The following CNTN5 variants were observed in gnomAD, a reference collection of about 807,000 sequenced individuals.
The protein encoded by CNTN5 is contactin 5.
In CNTN5, 77 loss-of-function variants were observed where a neutral mutation model predicts 129.1. The observed-to-expected ratio is 0.60, with a 90% CI of 0.50 to 0.72. The LOEUF (loss-of-function observed/expected upper bound fraction) is 0.72. Ranked by LOEUF, CNTN5 falls within the 30% of genes least tolerant of loss-of-function variation. CNTN5 has a pLI of 0.00. For missense variants in CNTN5, 1,478 were observed against 1,328.8 expected, an observed-to-expected ratio of 1.11 and a Z score of -1.75; for synonymous variants, 509 against 465.6, an observed-to-expected ratio of 1.09 and a Z score of -1.20.
At position 99,415,363 on chromosome 11, in the gene CNTN5, A is replaced by T. The variant is rs202235203; in HGVS notation, c.-71+89879A>T. ...TAGTAGTCTAATAGTGTGAGGAAGA[A>T]AACCCAGCAAGGCTTGTCTGTTCAG... On this transcript the variant is annotated intron_variant, in intron 2 of 24. Coordinates refer to ENST00000524871, the MANE Select transcript of CNTN5 (RefSeq NM_014361.4). Among the ~76,000 whole-genome samples, 19 of 152,272 alleles carry T rather than the reference A, an allele frequency of 1.2e-4. No individual in the cohort carries two copies. The East Asian group carries it at 3.3e-3, about 26-fold the overall frequency.
Position 100,071,930 on chromosome 11 carries a change from A to G in CNTN5, c.1429+96A>G. The G allele has an allele frequency of 4.4e-6, 5 of 1,132,446 alleles. No homozygotes were observed. In the South Asian group the frequency reaches 9.3e-5, roughly 21 times the overall value. The allele number at this position is 1,132,446 out of a possible 1,614,324, so 70.1% of individuals were successfully genotyped here. On this transcript the variant is annotated intron_variant, in intron 12 of 24. Transcript: ENST00000524871. ...ACTGAAGGTTTATGATGTGGTTGTA[A>G]AAATCTATTTTATGGCTTGAAAAGA...
chr11:100,340,027 GT>G (rs1392455704), intron 21 of CNTN5, among the ~76,000 whole-genome samples: 6 of 152,130 alleles, frequency 3.9e-5, no homozygotes, highest in Non-Finnish European at 8.8e-5. Flanking sequence ...TACAGCTCGT[GT>G]GATTCATCTT....
At chr11:99,597,376 T>A (rs373694845) in intron 3 of CNTN5, among the ~76,000 whole-genome samples, 6 of 152,134 alleles carry the variant, frequency 3.9e-5, no homozygotes, top group African/African-American at 1.2e-4. Flanking sequence ...TCTAGTAGAA[T>A]AGAGGTAGGA....
chr11:99,354,586 C>T (rs940039113), intron 2 of CNTN5, among the ~76,000 whole-genome samples: 7 of 152,126 alleles, frequency 4.6e-5, no homozygotes, highest in African/African-American at 1.4e-4. Context: ...CCCTCTTTTT[C>T]TCATACCCCG....
chr11:99,310,108 C>T (rs1398285299), intron 1 of CNTN5, among the ~76,000 whole-genome samples: 1 of 152,122 alleles, frequency 6.6e-6, no homozygotes, highest in African/African-American at 2.4e-5. Flanking sequence ...CAAAATTATA[C>T]AATTCAAATA....
intron 6 of CNTN5, among the ~76,000 whole-genome samples, chr11:99,890,251 A>G (rs1949021928): frequency 6.6e-6 from 1 of 152,210 alleles, no homozygotes; most frequent in Admixed American, 6.5e-5. Context: ...AGAGCTCACA[A>G]TGGCAGAAGC....
intron 13 of CNTN5, among the ~76,000 whole-genome samples, chr11:100,107,422 C>G (rs947302196): frequency 1.3e-5 from 2 of 150,698 alleles, no homozygotes; most frequent in African/African-American, 4.9e-5. Context: ...ACAATTCTGG[C>G]AAATCCCAGA....
chr11:100,247,095 T>C (rs1949855647), intron 16 of CNTN5, among the ~76,000 whole-genome samples: 1 of 152,206 alleles, frequency 6.6e-6, no homozygotes. Flanking sequence ...ACAGGAATTT[T>C]ACTTAGGCAA....
At chr11:100,057,050 C>T (rs554350835) in intron 9 of CNTN5, among the ~76,000 whole-genome samples, 1 of 151,366 alleles carries the variant, frequency 6.6e-6, no homozygotes, top group Non-Finnish European at 1.5e-5. Flanking sequence ...GTGTATATCA[C>T]TCTGTGTATC....
intron 1 of CNTN5, among the ~76,000 whole-genome samples, chr11:99,315,391 A>G (rs937077279): frequency 6.7e-6 from 1 of 149,526 alleles, no homozygotes; most frequent in African/African-American, 2.4e-5. Flanking sequence ...GCAAGATGGA[A>G]TTAGAGAAAG....
chr11:100,000,295 A>C (rs1939775957), intron 8 of CNTN5, among the ~76,000 whole-genome samples: 1 of 152,206 alleles, frequency 6.6e-6, no homozygotes, highest in African/African-American at 2.4e-5. Flanking sequence ...CATTGGGTAA[A>C]TGTTCCCATT....
chr11:99,403,654 C>T (rs4753953), intron 2 of CNTN5, among the ~76,000 whole-genome samples: 113,351 of 152,068 alleles, frequency 0.75, 43,103 homozygotes, highest in African/African-American at 0.9. Flanking sequence ...TCCATATAGT[C>T]CTATAGTTTT....
At position 99,026,479 on chromosome 11, in the gene CNTN5, A is replaced by T. The variant is rs78335619; in HGVS notation, c.-210+5209A>T. Among the ~76,000 whole-genome samples the T allele has an allele frequency of 3.7e-3, 557 of 151,624 alleles. 14 individuals are homozygous for T. The East Asian group carries it at 0.086, about 23-fold the overall frequency. On this transcript the variant is annotated intron_variant, in intron 1 of 24. Transcript: ENST00000524871. ...TCTAAGCTTCATAATTCTATTTAATACTCTCTTCCTCCTTCTGTGATGCTG... is the reference window on the plus strand; with the variant it reads ...TCTAAGCTTCATAATTCTATTTAATTCTCTCTTCCTCCTTCTGTGATGCTG...
chr11:99,213,968 T>C (rs1859975085), intron 1 of CNTN5, among the ~76,000 whole-genome samples: 1 of 152,182 alleles, frequency 6.6e-6, no homozygotes, highest in African/African-American at 2.4e-5. Context: ...CTAAAATTTT[T>C]GAATCATACT....
At chr11:99,739,442 G>A (rs1304318706) in intron 3 of CNTN5, among the ~76,000 whole-genome samples, 1 of 152,002 alleles carries the variant, frequency 6.6e-6, no homozygotes, top group Non-Finnish European at 1.5e-5. Flanking sequence ...TTACACCTCC[G>A]ATTTGCCTTT....
intron 2 of CNTN5, among the ~76,000 whole-genome samples, chr11:99,382,529 C>A (rs1940632934): frequency 6.6e-6 from 1 of 152,132 alleles, no homozygotes; most frequent in African/African-American, 2.4e-5. Flanking sequence ...TTCTTTCTTG[C>A]ATTTTGTGAC....
At chr11:100,270,205 T>C (rs1008928247) in intron 17 of CNTN5, among the ~76,000 whole-genome samples, 3 of 152,236 alleles carry the variant, frequency 2.0e-5, no homozygotes, top group Non-Finnish European at 2.9e-5. Flanking sequence ...TTGGTAACAT[T>C]CTTTTGGTAC....
At chr11:99,719,656 C>A (rs1243125686) in intron 3 of CNTN5, among the ~76,000 whole-genome samples, 3 of 151,848 alleles carry the variant, frequency 2.0e-5, no homozygotes, top group African/African-American at 7.3e-5. Context: ...AACAAATCAA[C>A]CTCAAAGCTA....
chr11:100,347,441 G>A (rs1041507750), intron 23 of CNTN5, among the ~76,000 whole-genome samples: 2 of 152,074 alleles, frequency 1.3e-5, no homozygotes, highest in Non-Finnish European at 2.9e-5. Context: ...ATAGGTACAT[G>A]AGGTTCATTA....
Sources: allele counts gnomAD v4.1 joint callset (sites outside exome capture counted in the v4.1 genomes callset), GRCh38; gene constraint gnomAD v4.1.1; transcripts MANE v1.5; gene names NCBI Gene and HGNC (gene_info 2026-07-23, HGNC 2026-07-21).